The following PLCB1 variants were observed in gnomAD, a reference collection of about 807,000 sequenced individuals.
PLCB1 encodes the protein phospholipase C beta 1.
In PLCB1, 46 loss-of-function variants were observed where a neutral mutation model predicts 161.8. The ratio of observed to expected loss-of-function variants is 0.28; its 90% confidence interval spans 0.22 to 0.36. The LOEUF (loss-of-function observed/expected upper bound fraction) is 0.36. Ranked by LOEUF, PLCB1 falls within the 10% of genes least tolerant of loss-of-function variation. The pLI is 1.00. For synonymous variants in PLCB1, 517 were observed against 503.7 expected, an observed-to-expected ratio of 1.03 and a Z score of -0.35; for missense variants, 1,016 against 1,472.5, an observed-to-expected ratio of 0.69 and a Z score of 5.07.
intron 3 of PLCB1, among the ~76,000 whole-genome samples, chr20:8,387,106 A>T (rs1357502499): frequency 1.3e-5 from 2 of 152,144 alleles, no homozygotes; most frequent in Non-Finnish European, 2.9e-5. Flanking sequence ...TTGTGTGTTC[A>T]CTGGAGTAGC....
intron 2 of PLCB1, among the ~76,000 whole-genome samples, chr20:8,301,652 G>T (rs112488326): frequency 3.3e-5 from 5 of 152,184 alleles, no homozygotes; most frequent in Non-Finnish European, 7.4e-5. Context: ...TGTTTCTACC[G>T]TCTGGAATAC....
At chr20:8,334,157 C>T (rs937724559) in intron 2 of PLCB1, among the ~76,000 whole-genome samples, 20 of 151,782 alleles carry the variant, frequency 1.3e-4, no homozygotes, top group African/African-American at 4.8e-4. Flanking sequence ...TGCGATGAGC[C>T]GCGATCGCGC....
chr20:8,529,946 G>A (rs1984736583), intron 3 of PLCB1, among the ~76,000 whole-genome samples: 1 of 152,092 alleles, frequency 6.6e-6, no homozygotes, highest in South Asian at 2.1e-4. Context: ...ATTAGTTACT[G>A]TTTTCCAGAT....
At chr20:8,309,086 A>G (rs147214928) in intron 2 of PLCB1, among the ~76,000 whole-genome samples, 5 of 152,148 alleles carry the variant, frequency 3.3e-5, no homozygotes, top group African/African-American at 1.2e-4. Flanking sequence ...TGGGAGGAAT[A>G]GTATTTTTCT....
intron 26 of PLCB1, among the ~76,000 whole-genome samples, chr20:8,772,848 T>G (rs1217528474): frequency 6.6e-6 from 1 of 152,076 alleles, no homozygotes; most frequent in Non-Finnish European, 1.5e-5. Flanking sequence ...GAGAATCACT[T>G]GAACCTGGAA....
chr20:8,762,187 G>A (rs1982076393), intron 25 of PLCB1, among the ~76,000 whole-genome samples: 1 of 152,124 alleles, frequency 6.6e-6, no homozygotes, highest in Non-Finnish European at 1.5e-5. Flanking sequence ...TCCAGCCTGG[G>A]CAACAAGCGC....
chr20:8,471,112 G>T (rs910856170), intron 3 of PLCB1, among the ~76,000 whole-genome samples: 1 of 152,118 alleles, frequency 6.6e-6, no homozygotes, highest in Admixed American at 6.6e-5. Context: ...TATTTAATCT[G>T]TATCTTTGTG....
intron 26 of PLCB1, among the ~76,000 whole-genome samples, chr20:8,768,278 G>C (rs1366333496): frequency 1.3e-5 from 2 of 152,044 alleles, no homozygotes; most frequent in Non-Finnish European, 2.9e-5. Context: ...CTAACTTCTG[G>C]TGGTTGCTGG....
At chr20:8,668,561 T>A (rs1441687075) in intron 9 of PLCB1, among the ~76,000 whole-genome samples, 4 of 152,080 alleles carry the variant, frequency 2.6e-5, no homozygotes, top group African/African-American at 7.2e-5. Flanking sequence ...GTCCATAGAG[T>A]TTGGAAGGTG....
intron 31 of PLCB1, among the ~76,000 whole-genome samples, chr20:8,846,238 C>T (rs978568257): frequency 2.0e-5 from 3 of 151,972 alleles, no homozygotes; most frequent in Non-Finnish European, 4.4e-5. Flanking sequence ...ACAACCAGAT[C>T]TCATGAGAAG....
chr20:8,520,770 G>A (rs1178454200), intron 3 of PLCB1, among the ~76,000 whole-genome samples: 1 of 152,070 alleles, frequency 6.6e-6, no homozygotes, highest in Non-Finnish European at 1.5e-5. Context: ...GTAGTCTTTG[G>A]GGTCTGGCTT....
At chr20:8,683,869 A>T (rs1320306277) in intron 9 of PLCB1, among the ~76,000 whole-genome samples, 6 of 152,020 alleles carry the variant, frequency 3.9e-5, no homozygotes, top group Non-Finnish European at 8.8e-5. Context: ...TCAGAGAAAA[A>T]TATCATTATT....
intron 3 of PLCB1, among the ~76,000 whole-genome samples, chr20:8,433,021 A>C (rs1294775780): frequency 5.9e-5 from 9 of 152,196 alleles, no homozygotes; most frequent in Admixed American, 5.9e-4. Context: ...TTCCCAGAGC[A>C]AACAGATTCA....
Position 8,883,697 on chromosome 20 carries a change from A to T in PLCB1, c.*1848A>T, listed in dbSNP as rs773609998. Reference sequence around the variant, plus strand: ...AAACATAAGGAAACAGTGTTTGATTAAAAAAAACACATCTAGTAAGACGTA... The same window carrying T: ...AAACATAAGGAAACAGTGTTTGATTTAAAAAAACACATCTAGTAAGACGTA... On this transcript the variant is annotated 3_prime_UTR_variant, in exon 32 of 32. Transcript: ENST00000338037. 1.6e-4 allele frequency: 25 copies of T among 152,326 alleles called. No homozygotes were observed. Among genetic ancestry groups the T allele is most frequent in the Non-Finnish European group, 3.2e-4 (22 of 67,928 alleles). 9.4% of individuals were successfully genotyped at this position (152,326 alleles called of 1,614,324 possible).
At chr20:8,829,587 A>G (rs777652373) in intron 31 of PLCB1, among the ~76,000 whole-genome samples, 1 of 152,234 alleles carries the variant, frequency 6.6e-6, no homozygotes, top group African/African-American at 2.4e-5. Flanking sequence ...TCAGTACAGA[A>G]TGCCCTGGCA....
chr20:8,784,642 T>C (rs975633), intron 27 of PLCB1, among the ~76,000 whole-genome samples: 137,473 of 151,756 alleles, frequency 0.91, 62,875 homozygotes, highest in East Asian at 1. Flanking sequence ...GCAAACTGAG[T>C]ACAGTAGGAC....
chr20:8,169,103 T>A (rs897487501), intron 2 of PLCB1, among the ~76,000 whole-genome samples: 15 of 152,002 alleles, frequency 9.9e-5, no homozygotes, highest in African/African-American at 3.6e-4. Context: ...TATATCTGGG[T>A]CAACAGGGCA....
chr20:8,161,179 G>A (rs975690779), intron 2 of PLCB1, among the ~76,000 whole-genome samples: 2 of 151,884 alleles, frequency 1.3e-5, no homozygotes, highest in East Asian at 3.9e-4. Context: ...TATTTATATA[G>A]TATATGTAGC....
intron 31 of PLCB1, among the ~76,000 whole-genome samples, chr20:8,796,662 C>T (rs1159569618): frequency 1.3e-5 from 2 of 152,094 alleles, no homozygotes; most frequent in Admixed American, 1.3e-4. Flanking sequence ...AAAGAATTGC[C>T]TTTTTAGGAA....
Sources: allele counts gnomAD v4.1 joint callset (sites outside exome capture counted in the v4.1 genomes callset), GRCh38; gene constraint gnomAD v4.1.1; transcripts MANE v1.5; gene names NCBI Gene and HGNC (gene_info 2026-07-23, HGNC 2026-07-21).